Variants in MTR observed in about 807,000 individuals in gnomAD.
MTR encodes the protein methionine synthase.
In MTR, 84 loss-of-function variants were observed where a neutral mutation model predicts 154.8. The ratio of observed to expected loss-of-function variants is 0.54; its 90% confidence interval spans 0.45 to 0.65. The LOEUF (loss-of-function observed/expected upper bound fraction) is 0.65. Ranked by LOEUF, MTR falls within the 30% of genes least tolerant of loss-of-function variation. The pLI is 0.00. For missense variants in MTR, 1,275 were observed against 1,570.2 expected (o/e 0.81, Z 3.18); for synonymous variants, 554 against 553.9 (o/e 1.00, Z 0.00).
intron 27 of MTR, among the ~76,000 whole-genome samples, chr1:236,886,947 G>A (rs537972317): frequency 1.3e-5 from 2 of 150,488 alleles, no homozygotes; most frequent in South Asian, 4.2e-4. Flanking sequence ...CCTCTCTCTG[G>A]ATGTTTCCCT....
intron 22 of MTR, among the ~76,000 whole-genome samples, chr1:236,867,084 A>G (rs116753752): frequency 6.6e-6 from 1 of 152,168 alleles, no homozygotes; most frequent in Admixed American, 6.5e-5. Context: ...TAGGTTTTCA[A>G]TGTAGATGAA....
intron 9 of MTR, among the ~76,000 whole-genome samples, chr1:236,824,508 G>A (rs1292780702): frequency 6.6e-6 from 1 of 152,220 alleles, no homozygotes; most frequent in Non-Finnish European, 1.5e-5. Context: ...TGACCAGAAA[G>A]ATGGGTGTAA....
chr1:236,877,105 G>A (rs1665477571), intron 24 of MTR, among the ~76,000 whole-genome samples: 1 of 152,186 alleles, frequency 6.6e-6, no homozygotes, highest in Non-Finnish European at 1.5e-5. Flanking sequence ...TGTGGTGCTG[G>A]AACAGCCTTT....
chr1:236,893,826 C>G (rs1312879803), intron 29 of MTR, among the ~76,000 whole-genome samples: 2 of 152,066 alleles, frequency 1.3e-5, no homozygotes, highest in Non-Finnish European at 2.9e-5. Flanking sequence ...TCAGCCGGCT[C>G]CTGTATGACC....
rs780261114 is a variant in MTR at position 236,803,651 on chromosome 1, T to C, written c.249+9T>C. On this transcript the variant is annotated intron_variant, in intron 2 of 32. Coordinates refer to ENST00000366577, the MANE Select transcript of MTR (RefSeq NM_000254.3). ...TTTACCAAATCCATAAGGTAAAGTA[T>C]TCCCAGGTTCCCATGTGTATTCATT... 1.2e-6 allele frequency: 2 copies of C among 1,610,536 alleles called. No individual in the cohort carries two copies. The highest frequency in any genetic ancestry group is 1.7e-6 in the Non-Finnish European group (2 of 1,177,062).
intron 32 of MTR, among the ~76,000 whole-genome samples, 187 bp downstream of exon 32, chr1:236,897,305 C>CAG (rs1446342259): frequency 5.4e-5 from 7 of 128,788 alleles, no homozygotes; most frequent in African/African-American, 2.1e-4. Flanking sequence ...GCAAGCCACA[C>CAG]ACACGCACAC....
chr1:236,897,310 G>GCGTGCGCGCGCACACACA lies in MTR; in HGVS notation c.3711+193_3711+194insGTGCGCGCGCACACACAC. ...ACTTCTACATGCAAGCCACACACAC[G>GCGTGCGCGCGCACACACA]CACACACACACACACACACACACAC... On this transcript the variant is annotated intron_variant, in intron 32 of 32. Transcript: ENST00000366577. 4.7e-5 allele frequency among the ~76,000 whole-genome samples: 6 copies of GCGTGCGCGCGCACACACA among 128,682 alleles called. No individual in the cohort carries two copies. The South Asian group carries it at 1.6e-3, about 35-fold the overall frequency. 84.4% of individuals were successfully genotyped at this position (128,682 alleles called of 152,430 possible).
chr1:236,897,621 A>G lies in MTR; in HGVS notation c.3775A>G (p.Ile1259Val), dbSNP rs11799647. The G allele has an allele frequency of 1.9e-6, 3 of 1,610,752 alleles. No individual in the cohort carries two copies. The highest frequency in any genetic ancestry group is 1.3e-5 in the African/African-American group (1 of 74,200). The change falls in exon 33 of 33, where the codon ATT (isoleucine) becomes GTT (valine). Residue 1259 changes from isoleucine (I) to valine (V), a missense_variant. Coordinates refer to ENST00000366577, the MANE Select transcript of MTR (RefSeq NM_000254.3). ...TGAGGTTGAGAAATGGCTTGGACCC[A>G]TTTTGGGATATGATACAGACTAACT... ...VAEVEKWLGP[I>V]LGYDTD
rs1408861537 is a variant in MTR at position 236,885,169 on chromosome 1, A to G, written c.2725A>G (p.Ile909Val). 6.2e-7 allele frequency: 1 copy of G among 1,610,738 alleles called. No homozygotes were observed. The highest frequency in any genetic ancestry group is 1.1e-5 in the South Asian group (1 of 91,024). Residue 909 changes from isoleucine (I) to valine (V), a missense_variant, in exon 26 of 33, where the codon ATC becomes GTC. Coordinates refer to ENST00000366577, the MANE Select transcript of MTR (RefSeq NM_000254.3). ...ENLKDEYFEE[I>V]MEEYEDIRQD... Reference sequence around the variant, plus strand: ...TCTAAAGGATGAATACTTTGAGGAAATCATGGAAGAATATGAAGATATTAG... The same window carrying G: ...TCTAAAGGATGAATACTTTGAGGAAGTCATGGAAGAATATGAAGATATTAG...
At chr1:236,848,945 A>C (rs569845201) in intron 15 of MTR, among the ~76,000 whole-genome samples, 1 of 152,064 alleles carries the variant, frequency 6.6e-6, no homozygotes, top group Non-Finnish European at 1.5e-5. Flanking sequence ...CTACCCCCTC[A>C]TCTCCACAGA....
chr1:236,803,410 C>G lies in MTR; in HGVS notation c.35-18C>G. On this transcript the variant is annotated intron_variant, in intron 1 of 32. Coordinates refer to ENST00000366577, the MANE Select transcript of MTR (RefSeq NM_000254.3). Reference sequence around the variant, plus strand: ...TCACCTTTCATTCTTTGAAGTCAAACTTTCACTTTCTTTAAAGAAGGTCTG... The same window carrying G: ...TCACCTTTCATTCTTTGAAGTCAAAGTTTCACTTTCTTTAAAGAAGGTCTG... 1 of 1,611,322 alleles carries G rather than the reference C, an allele frequency of 6.2e-7. No individual in the cohort carries two copies. The highest frequency in any genetic ancestry group is 8.5e-7 in the Non-Finnish European group (1 of 1,177,628).
At chr1:236,802,625 G>GTAC (rs1323205506) in intron 1 of MTR, among the ~76,000 whole-genome samples, 1 of 152,084 alleles carries the variant, frequency 6.6e-6, no homozygotes, top group African/African-American at 2.4e-5. Context: ...AAACTTCTTT[G>GTAC]TACGGGATTA....
intron 15 of MTR, among the ~76,000 whole-genome samples, chr1:236,848,745 A>C (rs1251637639): frequency 1.3e-5 from 2 of 152,200 alleles, no homozygotes; most frequent in Non-Finnish European, 1.5e-5. Context: ...CCTCCCAAGT[A>C]GAGGTGAAGT....
intron 13 of MTR, among the ~76,000 whole-genome samples, chr1:236,834,846 G>A (rs1317793212): frequency 1.3e-5 from 2 of 152,098 alleles, no homozygotes; most frequent in Non-Finnish European, 2.9e-5. Context: ...TTCCTTAGAC[G>A]ATCATAAGTG....
rs1667015513 is a variant in MTR at position 236,903,625 on chromosome 1, G to GA, written c.*5983dup. Reference sequence around the variant, plus strand: ...ATATTCTATGAAATGGAAGAAACAAGAACTAGACAGAGTCACAAATGCTGT... The same window carrying GA: ...ATATTCTATGAAATGGAAGAAACAAGAAACTAGACAGAGTCACAAATGCTGT... On this transcript the variant is annotated 3_prime_UTR_variant, in exon 33 of 33. Coordinates refer to ENST00000366577, the MANE Select transcript of MTR (RefSeq NM_000254.3). The GA allele has an allele frequency of 6.6e-6, 1 of 152,148 alleles. No homozygotes were observed. Among genetic ancestry groups the GA allele is most frequent in the Admixed American group, 6.5e-5 (1 of 15,282 alleles). The allele number at this position is 152,148 out of a possible 1,614,324, so 9.4% of individuals were successfully genotyped here. A position where few individuals can be genotyped will look rare whatever the true frequency, so the allele number is the denominator to read the frequency against.
chr1:236,862,267 C>G lies in MTR; in HGVS notation c.2228C>G (p.Ala743Gly), dbSNP rs375809201. The G allele has an allele frequency of 2.5e-6, 4 of 1,613,858 alleles. No individual in the cohort carries two copies. Among genetic ancestry groups the G allele is most frequent in the African/African-American group, 2.7e-5 (2 of 74,902 alleles). ...VIKSARVMKK[A>G]VGHLIPFMEK... ...AAGTCAGCCCGGGTTATGAAGAAGG[C>G]TGTTGGCCACCTTATCCCTTTCATG... Residue 743 changes from alanine to glycine, a missense_variant, in exon 21 of 33, where the codon GCT becomes GGT. Transcript: ENST00000366577.
At chr1:236,808,878 C>T (rs976541203) in intron 4 of MTR, 105 bp downstream of exon 4, 50 of 973,938 alleles carry the variant, frequency 5.1e-5, no homozygotes, top group Middle Eastern at 2.1e-4. Flanking sequence ...CTTTGGCTTA[C>T]GAGTAACACT....
chr1:236,819,734 A>G, intron 8 of MTR: 1 of 734,402 alleles, frequency 1.4e-6, no homozygotes, highest in Non-Finnish European at 2.5e-6. Context: ...TTGACTTCCA[A>G]ATGAAGCAGT....
intron 1 of MTR, among the ~76,000 whole-genome samples, chr1:236,796,217 G>A (rs566762054): frequency 1.3e-4 from 20 of 152,274 alleles, no homozygotes; most frequent in South Asian, 6.2e-4. Context: ...TTCTACGCAC[G>A]CTGCTGCAAA....
Sources: gnomAD v4.1 joint callset for allele counts (sites outside exome capture counted in the v4.1 genomes callset) on GRCh38, gnomAD v4.1.1 for gene constraint, MANE v1.5 for transcripts, NCBI Gene and HGNC (gene_info 2026-07-23, HGNC 2026-07-21) for gene names.